Variants in GALNT13 observed in about 807,000 individuals in gnomAD.
GALNT13 encodes the protein polypeptide N-acetylgalactosaminyltransferase 13, also known as UDP-GalNAc:polypeptide N-acetylgalactosaminyltransferase 13.
In GALNT13, 28 loss-of-function variants were observed where a neutral mutation model predicts 64.2. The ratio of observed to expected loss-of-function variants is 0.44; its 90% CI spans 0.32 to 0.60. The LOEUF (loss-of-function observed/expected upper bound fraction) is 0.60, where lower values mean the gene tolerates loss of function less well. Among genes scored for constraint, GALNT13 ranks in the 20% least tolerant of loss-of-function variants. The pLI is 0.05. For missense variants in GALNT13, 577 were observed against 669.8 expected, an observed-to-expected ratio of 0.86 and a Z score of 1.53; for synonymous variants, 214 against 224.6, an observed-to-expected ratio of 0.95 and a Z score of 0.42.
At chr2:153,691,172 G>A in the GALNT13 span, among the ~76,000 whole-genome samples, 3 of 152,082 alleles carry the variant, frequency 2.0e-5, no homozygotes, top group Non-Finnish European at 4.4e-5. Flanking sequence ...CCAATTTTAT[G>A]AATAAATCTC....
chr2:154,414,159 A>C (rs183922951), intron 11 of GALNT13, among the ~76,000 whole-genome samples: 1 of 152,136 alleles, frequency 6.6e-6, no homozygotes, highest in Admixed American at 6.6e-5. Context: ...TGCTCAATCA[A>C]AGGTTATGCA....
intron 11 of GALNT13, among the ~76,000 whole-genome samples, chr2:154,415,036 G>C (rs1699949820): frequency 6.6e-6 from 1 of 151,398 alleles, no homozygotes; most frequent in Non-Finnish European, 1.5e-5. Flanking sequence ...ATGGTGGCAT[G>C]CATCTGTAGT....
At chr2:153,145,030 GTTTAC>G in the GALNT13 span, among the ~76,000 whole-genome samples, 1 of 151,850 alleles carries the variant, frequency 6.6e-6, no homozygotes, top group Non-Finnish European at 1.5e-5. Context: ...TAAAACTAAT[GTTTAC>G]TTTATAAATT....
At position 154,408,945 on chromosome 2, in the gene GALNT13, T is replaced by C. The variant is rs116116513; in HGVS notation, c.1297-39T>C. On this transcript the variant is annotated intron_variant, in intron 10 of 12. Coordinates refer to ENST00000392825, the MANE Select transcript of GALNT13 (RefSeq NM_052917.4). ...TTTGATGACTTAAATAACTGTCTGA[T>C]TTATGTTTTATCCCCCCCCTTTTGT... The C allele has an allele frequency of 2.1e-3, 2,671 of 1,249,154 alleles. 42 individuals are homozygous for C. The African/African-American group carries it at 0.035, about 16-fold the overall frequency. 77.4% of individuals were successfully genotyped at this position (1,249,154 alleles called of 1,614,324 possible). A position where few individuals can be genotyped will look rare whatever the true frequency, so the allele number is the denominator to read the frequency against.
chr2:153,599,314 C>T, the GALNT13 span, among the ~76,000 whole-genome samples: 37 of 152,114 alleles, frequency 2.4e-4, no homozygotes, highest in African/African-American at 8.4e-4. Flanking sequence ...CCCTACTGAT[C>T]TAATGAAAAC....
At chr2:153,813,333 G>T in the GALNT13 span, among the ~76,000 whole-genome samples, 2 of 152,134 alleles carry the variant, frequency 1.3e-5, no homozygotes, top group African/African-American at 4.8e-5. Context: ...ATTTGCATTG[G>T]TAAGTTACTT....
At chr2:153,969,169 A>G (rs1398648227) in intron 3 of GALNT13, among the ~76,000 whole-genome samples, 2 of 152,114 alleles carry the variant, frequency 1.3e-5, no homozygotes, top group Non-Finnish European at 2.9e-5. Context: ...TGATCCAGAT[A>G]TGATCTCACT....
At chr2:153,537,283 C>T in the GALNT13 span, among the ~76,000 whole-genome samples, 4 of 152,254 alleles carry the variant, frequency 2.6e-5, no homozygotes, top group Middle Eastern at 3.4e-3. Context: ...AAACAGGTTA[C>T]AGTTGGGTTT....
chr2:154,284,759 G>C (rs774199939), intron 8 of GALNT13, among the ~76,000 whole-genome samples: 3 of 152,048 alleles, frequency 2.0e-5, no homozygotes, highest in Non-Finnish European at 4.4e-5. Context: ...GCTTATTGAG[G>C]AACCATCAAA....
chr2:154,157,022 C>A (rs1170951067), intron 4 of GALNT13, among the ~76,000 whole-genome samples: 3 of 152,160 alleles, frequency 2.0e-5, no homozygotes, highest in African/African-American at 7.2e-5. Flanking sequence ...GGCTTCAATG[C>A]TGTCCATCAG....
chr2:153,287,878 C>A, the GALNT13 span, among the ~76,000 whole-genome samples: 1 of 152,158 alleles, frequency 6.6e-6, no homozygotes, highest in Admixed American at 6.5e-5. Context: ...CACCTAGGTC[C>A]GTGGGCACAG....
chr2:153,830,463 T>C, the GALNT13 span, among the ~76,000 whole-genome samples: 16 of 152,144 alleles, frequency 1.1e-4, no homozygotes, highest in Non-Finnish European at 1.9e-4. Flanking sequence ...GCACATTTAC[T>C]ACTGTCAGCT....
intron 4 of GALNT13, among the ~76,000 whole-genome samples, chr2:154,169,256 A>G (rs180816635): frequency 6.6e-6 from 1 of 152,214 alleles, no homozygotes; most frequent in South Asian, 2.1e-4. Flanking sequence ...CCATATCCAC[A>G]CTATAGCAAC....
intron 4 of GALNT13, among the ~76,000 whole-genome samples, chr2:154,206,799 C>CA (rs564277662): frequency 0.045 from 5,908 of 131,722 alleles, 249 homozygotes; most frequent in African/African-American, 0.11. Flanking sequence ...ACAACAACAA[C>CA]AAAAAAAAAA....
chr2:154,161,793 T>TG (rs1188103110), intron 4 of GALNT13, among the ~76,000 whole-genome samples: 1 of 151,888 alleles, frequency 6.6e-6, no homozygotes, highest in East Asian at 1.9e-4. Context: ...ATTTTTTTTT[T>TG]TTGTTTTCAG....
chr2:153,529,547 TC>T, the GALNT13 span, among the ~76,000 whole-genome samples: 2 of 152,070 alleles, frequency 1.3e-5, no homozygotes, highest in South Asian at 4.1e-4. Context: ...AGGGATTACT[TC>T]CTAACTCATT....
the GALNT13 span, among the ~76,000 whole-genome samples, chr2:153,750,934 A>G: frequency 0.85 from 128,226 of 151,660 alleles, 55,051 homozygotes; most frequent in Middle Eastern, 0.89. Flanking sequence ...CTTATTTGTT[A>G]TAGGCACTTA....
chr2:153,221,057 T>G, the GALNT13 span, among the ~76,000 whole-genome samples: 1 of 152,152 alleles, frequency 6.6e-6, no homozygotes, highest in African/African-American at 2.4e-5. Context: ...ACCTGGGTGA[T>G]GAAATAATCT....
At chr2:153,726,010 T>C in the GALNT13 span, among the ~76,000 whole-genome samples, 1 of 151,982 alleles carries the variant, frequency 6.6e-6, no homozygotes, top group Admixed American at 6.5e-5. Context: ...CAATATTTGA[T>C]TATTATGTAA....
Sources: gnomAD v4.1 joint callset for allele counts (sites outside exome capture counted in the v4.1 genomes callset) on GRCh38, gnomAD v4.1.1 for gene constraint, MANE v1.5 for transcripts, NCBI Gene and HGNC (gene_info 2026-07-23, HGNC 2026-07-21) for gene names.